DIP2A: variants seen among roughly 807,000 people sequenced by gnomAD.
DIP2A encodes the protein disco-interacting protein 2 homolog A.
A neutral mutation model predicts 177.4 loss-of-function variants in DIP2A; 85 were observed. That is an observed-to-expected ratio of 0.48 (90% CI 0.40 to 0.57). The LOEUF is 0.57. Ranked by LOEUF, DIP2A falls within the 20% of genes least tolerant of loss-of-function variation. DIP2A has a pLI of 0.00. For missense variants in DIP2A, 1,791 were observed against 2,100.2 expected (o/e 0.85, Z 2.88); for synonymous variants, 886 against 881.8 (o/e 1.00, Z -0.08).
chr21:46,535,863 G>C (rs1323264074), intron 13 of DIP2A, among the ~76,000 whole-genome samples: 1 of 152,112 alleles, frequency 6.6e-6, no homozygotes, highest in Non-Finnish European at 1.5e-5. Flanking sequence ...GACCGCCTGA[G>C]CCCAGGAGTT....
In DIP2A at chr21:46,546,973, G is replaced by A; in HGVS notation, c.2453G>A (p.Arg818Lys). 1 of 1,614,026 alleles carries A rather than the reference G, an allele frequency of 6.2e-7. No individual in the cohort carries two copies. The highest frequency in any genetic ancestry group is 8.5e-7 in the Non-Finnish European group (1 of 1,179,904). Residue 818 changes from arginine to lysine, a missense_variant, in exon 21 of 38, where the codon AGA (arginine) becomes AAA (lysine). Coordinates refer to ENST00000417564, the MANE Select transcript of DIP2A (RefSeq NM_015151.4). ...LDGLMVTGVR[R>K]HNADDVVATA... Reference sequence around the variant, plus strand: ...GGGCTGATGGTCACTGGAGTTCGCAGACACAATGCAGATGACGTTGTGGCC... The same window carrying A: ...GGGCTGATGGTCACTGGAGTTCGCAAACACAATGCAGATGACGTTGTGGCC...
At chr21:46,522,618 T>A (rs1339437544) in intron 8 of DIP2A, among the ~76,000 whole-genome samples, 1 of 152,204 alleles carries the variant, frequency 6.6e-6, no homozygotes, top group Non-Finnish European at 1.5e-5. Context: ...AGGTGTGTAT[T>A]CCCCTACAAC....
At position 46,557,402 on chromosome 21, in the gene DIP2A, G is replaced by A. The variant is rs976477799; in HGVS notation, c.3630-183G>A. 43 of 761,450 alleles carry A rather than the reference G, an allele frequency of 5.6e-5. No homozygotes were observed. The highest frequency in any genetic ancestry group is 8.2e-5 in the East Asian group (3 of 36,776). The allele number at this position is 761,450 out of a possible 1,614,324, so 47.2% of individuals were successfully genotyped here. A position where few individuals can be genotyped will look rare whatever the true frequency, so the allele number is the denominator to read the frequency against. On this transcript the variant is annotated intron_variant, in intron 30 of 37. Coordinates refer to ENST00000417564, the MANE Select transcript of DIP2A (RefSeq NM_015151.4). This position sits in a 1 kb window ranked among gnomAD's most constrained non-coding sequence, Gnocchi z 6.0. ...TGTTCGGAGCAGAGCTCAGAACCCC[G>A]TGCCTGCCATCCCCCAACCTTCACC...
At chr21:46,489,100 T>A (rs1442866925) in intron 2 of DIP2A, among the ~76,000 whole-genome samples, 1 of 151,398 alleles carries the variant, frequency 6.6e-6, no homozygotes, top group Non-Finnish European at 1.5e-5. Context: ...CAAACACACG[T>A]GTGTGTGTGG....
chr21:46,464,345 A>G (rs1166191528), intron 1 of DIP2A, among the ~76,000 whole-genome samples: 1 of 152,070 alleles, frequency 6.6e-6, no homozygotes, highest in Non-Finnish European at 1.5e-5. Context: ...GTGAGCCGAG[A>G]TTGCACCATT....
chr21:46,518,477 T>C (rs550397752), intron 8 of DIP2A, among the ~76,000 whole-genome samples: 5 of 152,374 alleles, frequency 3.3e-5, no homozygotes, highest in Non-Finnish European at 7.3e-5. Flanking sequence ...ATGTGCATTT[T>C]ACTGATAACT....
In DIP2A at chr21:46,498,120, G is replaced by A. The variant is rs989686795; in HGVS notation, c.404-462G>A. On this transcript the variant is annotated intron_variant, in intron 4 of 37. Transcript: ENST00000417564. This position sits in a 1 kb window ranked among gnomAD's most constrained non-coding sequence, Gnocchi z 4.3. Reference sequence around the variant, plus strand: ...CTCCCATGGCCACCATGTTGTTGCTGGGGCCATGCACAGGCCAGGATGCCT... The same window carrying A: ...CTCCCATGGCCACCATGTTGTTGCTAGGGCCATGCACAGGCCAGGATGCCT... Among the ~76,000 whole-genome samples, 1 of 152,168 alleles carries A rather than the reference G, an allele frequency of 6.6e-6. No homozygotes were observed. Among genetic ancestry groups the A allele is most frequent in the African/African-American group, 2.4e-5 (1 of 41,444 alleles).
chr21:46,553,797 C>A, intron 25 of DIP2A: 1 of 169,474 alleles, frequency 5.9e-6, no homozygotes, highest in South Asian at 1.5e-4. Flanking sequence ...TCCCTCTTAG[C>A]TGGGACCACA....
intron 8 of DIP2A, among the ~76,000 whole-genome samples, chr21:46,527,324 G>GTTT (rs1162578470): frequency 5.9e-5 from 2 of 33,934 alleles, no homozygotes; most frequent in Admixed American, 4.9e-4. Context: ...TTTGAGTTGA[G>GTTT]GTTTTTTTTT....
chr21:46,506,781 TCTTTC>T (rs2058031118), intron 6 of DIP2A, among the ~76,000 whole-genome samples: 1 of 140,636 alleles, frequency 7.1e-6, no homozygotes. Context: ...TCTTTTCTTT[TCTTTC>T]TTTTCTTTCT....
chr21:46,547,306 A>G (rs758572298), intron 21 of DIP2A: 2 of 936,958 alleles, frequency 2.1e-6, no homozygotes, highest in Non-Finnish European at 2.8e-6. Context: ...AAGGGGACAA[A>G]TCAGGGAGGG....
At chr21:46,565,683 C>T in intron 35 of DIP2A, 30 bp from the exon 36 acceptor site, 3 of 1,595,080 alleles carry the variant, frequency 1.9e-6, no homozygotes, top group Non-Finnish European at 2.6e-6. Flanking sequence ...GTTGGTAACA[C>T]ATCACATTCT....
intron 8 of DIP2A, among the ~76,000 whole-genome samples, chr21:46,521,452 T>C (rs761520753): frequency 2.0e-5 from 3 of 152,180 alleles, no homozygotes; most frequent in Non-Finnish European, 2.9e-5. Flanking sequence ...GCCTCCCAAA[T>C]TGCTGGGATT....
chr21:46,467,067 C>T (rs539165875), intron 1 of DIP2A, among the ~76,000 whole-genome samples: 179 of 151,906 alleles, frequency 1.2e-3, no homozygotes, highest in African/African-American at 3.8e-3. Context: ...GAAGTCGAGG[C>T]GGGCGGATCA....
chr21:46,497,394 TAAA>T (rs2057416505), intron 4 of DIP2A, among the ~76,000 whole-genome samples: 1 of 152,178 alleles, frequency 6.6e-6, no homozygotes, highest in Non-Finnish European at 1.5e-5. Flanking sequence ...GAGAAGAACC[TAAA>T]GCACTAAGAG....
chr21:46,504,192 G>C, intron 5 of DIP2A, 169 bp from the exon 6 acceptor site: 1 of 850,358 alleles, frequency 1.2e-6, no homozygotes, highest in East Asian at 2.7e-5. Flanking sequence ...GAGTTCATAG[G>C]GTCCCAGTAT....
chr21:46,561,686 C>G, intron 33 of DIP2A, 62 bp from the exon 34 acceptor site: 2 of 1,588,966 alleles, frequency 1.3e-6, no homozygotes, highest in Non-Finnish European at 8.6e-7. Flanking sequence ...CATGATCTGC[C>G]CTTTCAGACA....
At chr21:46,502,709 A>G (rs1166709516) in intron 5 of DIP2A, among the ~76,000 whole-genome samples, 1 of 151,920 alleles carries the variant, frequency 6.6e-6, no homozygotes, top group Non-Finnish European at 1.5e-5. Flanking sequence ...TGACCTTCCA[A>G]ATTGCTGGGA....
intron 6 of DIP2A, among the ~76,000 whole-genome samples, chr21:46,504,875 A>G (rs1308720668): frequency 2.6e-5 from 4 of 152,222 alleles, no homozygotes; most frequent in African/African-American, 9.6e-5. Context: ...CACCTATGAC[A>G]GAACAGCCCC....
Sources: allele counts gnomAD v4.1 joint callset (sites outside exome capture counted in the v4.1 genomes callset), GRCh38; gene constraint gnomAD v4.1.1; non-coding constraint Gnocchi (gnomAD v3.1); transcripts MANE v1.5; gene names NCBI Gene and HGNC (gene_info 2026-07-23, HGNC 2026-07-21).